KIF1B: variants seen among roughly 807,000 people sequenced by gnomAD.
KIF1B encodes the protein kinesin family member 1B.
In KIF1B, 76 loss-of-function variants were observed where a neutral mutation model predicts 241.9. The ratio of observed to expected loss-of-function variants is 0.31; its 90% CI spans 0.26 to 0.38. The LOEUF (loss-of-function observed/expected upper bound fraction) is 0.38. Ranked by LOEUF, KIF1B falls within the 10% of genes least tolerant of loss-of-function variation. The probability of loss-of-function intolerance (pLI) is 1.00; values close to 1 mark genes in which losing one functional copy is unlikely to be tolerated. For synonymous variants in KIF1B, 750 were observed against 796.7 expected, an observed-to-expected ratio of 0.94 and a Z score of 0.99; for missense variants, 1,622 against 2,271.4, an observed-to-expected ratio of 0.71 and a Z score of 5.81.
At position 10,304,372 on chromosome 1, in the gene KIF1B, C is replaced by T. The variant is rs1035620392; in HGVS notation, c.2115+7126C>T. The T allele has an allele frequency of 2.3e-5, 37 of 1,614,214 alleles. No individual in the cohort carries two copies. The highest frequency in any genetic ancestry group is 3.1e-5 in the Non-Finnish European group (37 of 1,180,048). On this transcript the variant is annotated intron_variant, in intron 22 of 48. Transcript: ENST00000676179. ...CAATAATGGCCAGCCGAAAAGTACG[C>T]GCTGCCAGGCATCTGCCTCCGCGGA... is the stretch of plus-strand genomic sequence containing the variant.
At chr1:10,301,138 C>T (rs1344208209) in intron 22 of KIF1B, among the ~76,000 whole-genome samples, 1 of 151,994 alleles carries the variant, frequency 6.6e-6, no homozygotes, top group African/African-American at 2.4e-5. Flanking sequence ...GTTTGGGTCC[C>T]TGTCTCAAAA....
rs749225177 is a variant in KIF1B, at chr1:10,253,129, G to T, written c.107-3118G>T. ...CCATGAAAATGCCTTCCTGCCTTTA[G>T]CCTTGACAATGCTGCATATAGGGAA... On this transcript the variant is annotated intron_variant, in intron 2 of 48. Coordinates refer to ENST00000676179, the MANE Select transcript of KIF1B (RefSeq NM_001365951.3). Among the ~76,000 whole-genome samples the T allele has an allele frequency of 3.9e-5, 6 of 152,264 alleles. No individual in the cohort carries two copies. The South Asian group carries it at 6.2e-4, about 16-fold the overall frequency.
chr1:10,259,139 C>A (rs1569600971), intron 4 of KIF1B, among the ~76,000 whole-genome samples: 1 of 146,910 alleles, frequency 6.8e-6, no homozygotes, highest in South Asian at 2.1e-4. Flanking sequence ...TTCAAACACT[C>A]TGAGATTCTC....
In KIF1B at chr1:10,258,495, C is replaced by T. The variant is rs141998703; in HGVS notation, c.186C>T (p.Pro62=). The T allele has an allele frequency of 2.8e-4, 454 of 1,613,646 alleles. 5 individuals carry two copies. Among genetic ancestry groups the T allele is most frequent in the African/African-American group, 2.4e-3 (179 of 74,950 alleles). Residue 62 remains proline, a splice_region_variant and synonymous_variant, in exon 4 of 49, where the codon CCC becomes CCT. Transcript: ENST00000676179. Reference sequence around the variant, plus strand: ...ATTTCTCCTTTTACTCTTTACAGCCCGAAGATCCCTGTTTTGCATCTCAAA... The same window carrying T: ...ATTTCTCCTTTTACTCTTTACAGCCTGAAGATCCCTGTTTTGCATCTCAAA... ...FDYSYWSHTS[P]EDPCFASQNR...
At chr1:10,226,525 A>G (rs898185103) in intron 1 of KIF1B, among the ~76,000 whole-genome samples, 7 of 152,210 alleles carry the variant, frequency 4.6e-5, no homozygotes, top group Non-Finnish European at 1.0e-4. Context: ...AACACAAAAG[A>G]AAAAAGTTTT....
intron 28 of KIF1B, among the ~76,000 whole-genome samples, chr1:10,335,841 G>GAAAA (rs70997221): frequency 1.4e-5 from 2 of 144,016 alleles, no homozygotes; most frequent in Non-Finnish European, 1.5e-5. Context: ...AAAAACAATT[G>GAAAA]AAAAAAAAAA....
At chr1:10,290,965 T>A in intron 15 of KIF1B, 117 bp from the exon 16 acceptor site, 1 of 742,538 alleles carries the variant, frequency 1.3e-6, no homozygotes, top group South Asian at 1.5e-5. Flanking sequence ...GAAAAATCTC[T>A]TTACATTTAA....
chr1:10,215,138 T>TTATATATATATA (rs1162229178), intron 1 of KIF1B, among the ~76,000 whole-genome samples: 15 of 59,564 alleles, frequency 2.5e-4, no homozygotes, highest in African/African-American at 4.0e-4. Flanking sequence ...TTTATATATT[T>TTATATATATATA]TATATATATA....
rs1410309198 is a variant in KIF1B at position 10,282,304 on chromosome 1, C to T, written c.1223-18C>T. The T allele has an allele frequency of 5.6e-6, 9 of 1,601,722 alleles. No individual in the cohort carries two copies. The highest frequency in any genetic ancestry group is 1.7e-4 in the Middle Eastern group (1 of 6,056). On this transcript the variant is annotated intron_variant, in intron 14 of 48. Coordinates refer to ENST00000676179, the MANE Select transcript of KIF1B (RefSeq NM_001365951.3). ...CTTTTCCCTACTTTTCCTGCCTTCT[C>T]TTCTTTCTATCTCCCAGATCTGAAA...
chr1:10,335,857 T>G lies in KIF1B; in HGVS notation c.3044-800T>G, dbSNP rs550232330. ...AAAACAATTGAAAAAAAAAAAAGATTTTGGTATTTTCCATTTTTCCATGAT... is the reference window on the plus strand; with the variant it reads ...AAAACAATTGAAAAAAAAAAAAGATGTTGGTATTTTCCATTTTTCCATGAT... On this transcript the variant is annotated intron_variant, in intron 28 of 48. Transcript: ENST00000676179. Among the ~76,000 whole-genome samples the G allele has an allele frequency of 4.2e-4, 64 of 152,024 alleles. 1 individual carries two copies. The East Asian group carries it at 7.9e-3, about 19-fold the overall frequency.
chr1:10,374,767 G>T lies in KIF1B; in HGVS notation c.5097-87G>T. The stretch of plus-strand genomic sequence containing the variant: ...CCTGTTTCATCGAATCTAAGGACTT[G>T]GCCTAAGTGTGGCGTATTTTGATGG... On this transcript the variant is annotated intron_variant, in intron 46 of 48. Coordinates refer to ENST00000676179, the MANE Select transcript of KIF1B (RefSeq NM_001365951.3). This position sits in a 1 kb window ranked among gnomAD's most constrained non-coding sequence, Gnocchi z 4.3. 1.6e-6 allele frequency: 2 copies of T among 1,260,278 alleles called. No homozygotes were observed. The highest frequency in any genetic ancestry group is 2.3e-6 in the Non-Finnish European group (2 of 863,946). The allele number at this position is 1,260,278 out of a possible 1,614,324, so 78.1% of individuals were successfully genotyped here. A position where few individuals can be genotyped will look rare whatever the true frequency, so the allele number is the denominator to read the frequency against.
intron 22 of KIF1B, among the ~76,000 whole-genome samples, chr1:10,300,868 CT>C (rs1333327583): frequency 6.6e-6 from 1 of 152,086 alleles, no homozygotes; most frequent in Non-Finnish European, 1.5e-5. Flanking sequence ...ATTTAGCAAA[CT>C]TTTGTTGGTA....
rs761899820 is a variant in KIF1B, at chr1:10,345,835, C to T, written c.3689-10C>T. 1 of 1,611,270 alleles carries T rather than the reference C, an allele frequency of 6.2e-7. No individual in the cohort carries two copies. The highest frequency in any genetic ancestry group is 8.5e-7 in the Non-Finnish European group (1 of 1,177,720). ...ACCAGATTTTGACATACTCTAAAAA[C>T]TTTTAAAAGTTCCAGCCACCAAGTT... On this transcript the variant is annotated splice_polypyrimidine_tract_variant and intron_variant, in intron 34 of 48. Coordinates refer to ENST00000676179, the MANE Select transcript of KIF1B (RefSeq NM_001365951.3).
chr1:10,240,337 T>C (rs1647118652), intron 2 of KIF1B, among the ~76,000 whole-genome samples: 2 of 152,094 alleles, frequency 1.3e-5, no homozygotes, highest in Admixed American at 1.3e-4. Context: ...GCCTCCCAAG[T>C]AGCTGGGACT....
At chr1:10,256,897 A>G (rs1647820893) in intron 3 of KIF1B, among the ~76,000 whole-genome samples, 1 of 151,844 alleles carries the variant, frequency 6.6e-6, no homozygotes, top group South Asian at 2.1e-4. Context: ...TTTTTAGTAG[A>G]GACAGGATTT....
chr1:10,247,558 A>T (rs1382572811), intron 2 of KIF1B, among the ~76,000 whole-genome samples: 1 of 152,242 alleles, frequency 6.6e-6, no homozygotes, highest in Non-Finnish European at 1.5e-5. Flanking sequence ...TATTTGTTAA[A>T]TGAAAGAATA....
In KIF1B at chr1:10,339,823, C is replaced by G. The variant is rs774738498; in HGVS notation, c.3477C>G (p.Gly1159=). The G allele has an allele frequency of 1.9e-6, 3 of 1,614,058 alleles. No homozygotes were observed. The highest frequency in any genetic ancestry group is 1.7e-6 in the Non-Finnish European group (2 of 1,179,972). ...CCACGGAGCCCCTCAAAAACAATGG[C>G]AGAGGAAGTCCCCTGGCCTTTTATC... ...AFSTEPLKNN[G]RGSPLAFYHV... The change falls in exon 32 of 49, where the codon GGC becomes GGG. Residue 1159 remains glycine (G), a synonymous_variant. Transcript: ENST00000676179.
intron 44 of KIF1B, among the ~76,000 whole-genome samples, chr1:10,369,915 A>G (rs188087443): frequency 0.01 from 1,499 of 147,452 alleles, 17 homozygotes; most frequent in African/African-American, 0.035. Context: ...CTGGGCAACA[A>G]GAGTGAAACT....
chr1:10,250,686 C>T (rs1489585807), intron 2 of KIF1B, among the ~76,000 whole-genome samples: 1 of 152,100 alleles, frequency 6.6e-6, no homozygotes, highest in Non-Finnish European at 1.5e-5. Context: ...TTTGGCTTGG[C>T]ATGGTAGTGC....
Sources: allele counts gnomAD v4.1 joint callset (sites outside exome capture counted in the v4.1 genomes callset), GRCh38; gene constraint gnomAD v4.1.1; non-coding constraint Gnocchi (gnomAD v3.1); transcripts MANE v1.5; gene names NCBI Gene and HGNC (gene_info 2026-07-23, HGNC 2026-07-21).